The following DNAJC2 variants were observed in gnomAD, a reference collection of about 807,000 sequenced individuals.
DNAJC2 encodes DnaJ heat shock protein family (Hsp40) member C2.
DNAJC2 carries 32 observed loss-of-function variants against 94.0 expected under a neutral mutation model. The ratio of observed to expected loss-of-function variants is 0.34; its 90% CI spans 0.26 to 0.46. The LOEUF is 0.46. DNAJC2 is among the 20% of genes least tolerant of loss of function. The probability of loss-of-function intolerance (pLI) is 1.00; values close to 1 mark genes in which losing one functional copy is unlikely to be tolerated. For missense variants in DNAJC2, 550 were observed against 719.5 expected (o/e 0.76, Z 2.69); for synonymous variants, 210 against 229.7 (o/e 0.91, Z 0.77).
At chr7:103,333,496 G>C (rs187102070) in intron 3 of DNAJC2, among the ~76,000 whole-genome samples, 28 of 152,308 alleles carry the variant, frequency 1.8e-4, no homozygotes, top group Admixed American at 8.5e-4. Flanking sequence ...ATATCTGTCT[G>C]ATTCAGCGGA....
chr7:103,315,666 A>C, intron 15 of DNAJC2, 98 bp downstream of exon 15: 2 of 714,860 alleles, frequency 2.8e-6, no homozygotes, highest in Non-Finnish European at 4.6e-6. Context: ...TAAACATTTT[A>C]TTTCCCTATC....
At chr7:103,333,785 G>C (rs568938193) in intron 3 of DNAJC2, among the ~76,000 whole-genome samples, 2 of 152,236 alleles carry the variant, frequency 1.3e-5, no homozygotes, top group South Asian at 2.1e-4. Flanking sequence ...CTCATGGTTT[G>C]AGATTCATCC....
chr7:103,313,082 G>A lies in DNAJC2; in HGVS notation c.1656C>T (p.Thr552=), dbSNP rs1817846647. The change falls in exon 16 of 17, where the codon ACC becomes ACT. Residue 552 remains threonine, a synonymous_variant. Coordinates refer to ENST00000379263, the MANE Select transcript of DNAJC2 (RefSeq NM_014377.3). ...ERFEGPYTDF[T]PWTTEEQKLL... ...GCTTCTGTTCTTCTGTTGTCCAAGGGGTGAAGTCTGTATATGGACCTGATT... is the reference window on the plus strand; with the variant it reads ...GCTTCTGTTCTTCTGTTGTCCAAGGAGTGAAGTCTGTATATGGACCTGATT... 1.2e-6 allele frequency: 2 copies of A among 1,612,944 alleles called. No homozygotes were observed. The highest frequency in any genetic ancestry group is 1.3e-5 in the African/African-American group (1 of 74,758).
At chr7:103,327,929 T>C (rs1219736721) in intron 3 of DNAJC2, among the ~76,000 whole-genome samples, 175 bp from the exon 4 acceptor site, 6 of 152,180 alleles carry the variant, frequency 3.9e-5, no homozygotes, top group East Asian at 3.8e-4. Context: ...TTTCTTCTTA[T>C]TATTTTTTGA....
rs1819136461 is a variant in DNAJC2 at position 103,335,560 on chromosome 7, C to CAA, written c.331+2175_331+2176insTT. The CAA allele has an allele frequency of 5.4e-5, 8 of 148,718 alleles. No homozygotes were observed. In the Admixed American group the frequency reaches 5.4e-4, roughly 10 times the overall value. 9.2% of individuals were successfully genotyped at this position (148,718 alleles called of 1,614,324 possible). A position where few individuals can be genotyped will look rare whatever the true frequency, so the allele number is the denominator to read the frequency against. On this transcript the variant is annotated intron_variant, in intron 3 of 16. Coordinates refer to ENST00000379263, the MANE Select transcript of DNAJC2 (RefSeq NM_014377.3). ...TTTCTTTTTTTTTTTTTTAATGAGA[C>CAA]AGAGTCTCACTCTCTCACTCTGTTG...
intron 4 of DNAJC2, chr7:103,327,269 TA>T: frequency 1.1e-6 from 1 of 917,040 alleles, no homozygotes; most frequent in Non-Finnish European, 1.5e-6. Flanking sequence ...TTTAGTCCCA[TA>T]AAGCATCTGA....
Position 103,316,793 on chromosome 7 carries a change from AGT to A in DNAJC2, c.1427+35_1427+36del, listed in dbSNP as rs1402841885. The A allele has an allele frequency of 3.2e-6, 5 of 1,553,436 alleles. No individual in the cohort carries two copies. In the South Asian group the frequency reaches 3.4e-5, roughly 11 times the overall value. On this transcript the variant is annotated intron_variant, in intron 13 of 16. Transcript: ENST00000379263. ...TCTGTCTACATTATCTCCAGGCTCCAGTGTGAGTTGAAGAAAAGTTTCATTAA... is the reference window on the plus strand; with the variant it reads ...TCTGTCTACATTATCTCCAGGCTCCAGTGAGTTGAAGAAAAGTTTCATTAA...
Position 103,337,821 on chromosome 7 carries a change from A to C in DNAJC2, c.256-10T>G. The C allele has an allele frequency of 6.2e-7, 1 of 1,611,094 alleles. No individual in the cohort carries two copies. Among genetic ancestry groups the C allele is most frequent in the Non-Finnish European group, 8.5e-7 (1 of 1,178,674 alleles). On this transcript the variant is annotated splice_polypyrimidine_tract_variant and intron_variant, in intron 2 of 16. Coordinates refer to ENST00000379263, the MANE Select transcript of DNAJC2 (RefSeq NM_014377.3). ...CATAATGATCTTGGTTCTGGAAAAA[A>C]AACACAAAAGGGAGTCAAATTTGAA...
chr7:103,337,878 T>A, intron 2 of DNAJC2, 67 bp from the exon 3 acceptor site: 1 of 1,164,574 alleles, frequency 8.6e-7, no homozygotes, highest in Non-Finnish European at 1.3e-6. Context: ...CCTTGTGTTC[T>A]GGTACCTTAA....
At chr7:103,314,572 TG>T (rs1372620723) in intron 15 of DNAJC2, 2 of 985,224 alleles carry the variant, frequency 2.0e-6, no homozygotes, top group Non-Finnish European at 2.4e-6. Flanking sequence ...TTGTATTTTG[TG>T]GAGATAAAGG....
intron 15 of DNAJC2, chr7:103,313,830 A>G (rs1817895481): frequency 1.0e-6 from 1 of 985,206 alleles, no homozygotes; most frequent in Non-Finnish European, 1.2e-6. Flanking sequence ...TTGTGTAGGT[A>G]AAAGTAGAAT....
At position 103,316,924 on chromosome 7, in the gene DNAJC2, C is replaced by T; in HGVS notation, c.1333G>A (p.Gly445Ser). The T allele has an allele frequency of 6.2e-7, 1 of 1,613,994 alleles. No homozygotes were observed. Among genetic ancestry groups the T allele is most frequent in the Non-Finnish European group, 8.5e-7 (1 of 1,179,962 alleles). ...QASKNTEKST[G>S]GGGNGSKNWS... Reference sequence around the variant, plus strand: ...TTTTTACTTCCATTTCCACCTCCACCAGTTGATTTCTCTGTGTTCTTAGAT... The same window carrying T: ...TTTTTACTTCCATTTCCACCTCCACTAGTTGATTTCTCTGTGTTCTTAGAT... Residue 445 changes from glycine to serine, a missense_variant, in exon 13 of 17, where the codon GGT (glycine) becomes AGT (serine). Coordinates refer to ENST00000379263, the MANE Select transcript of DNAJC2 (RefSeq NM_014377.3).
Position 103,344,754 on chromosome 7 carries a change from T to C in DNAJC2, c.-132A>G. The C allele has an allele frequency of 1.1e-6, 1 of 890,290 alleles. No homozygotes were observed. Among genetic ancestry groups the C allele is most frequent in the Non-Finnish European group, 1.8e-6 (1 of 568,060 alleles). 55.1% of individuals were successfully genotyped at this position (890,290 alleles called of 1,614,324 possible). On this transcript the variant is annotated 5_prime_UTR_variant, in exon 1 of 17. It removes an upstream start codon present in the reference 5' UTR. Transcript: ENST00000379263. ...TCTAAGACGCCCAGGAACCGGCGCATGGAGACGACCAGTAAGCACTTCCGG... is the reference window on the plus strand; with the variant it reads ...TCTAAGACGCCCAGGAACCGGCGCACGGAGACGACCAGTAAGCACTTCCGG...
At chr7:103,317,634 A>G (rs1818144011) in intron 12 of DNAJC2, among the ~76,000 whole-genome samples, 1 of 151,982 alleles carries the variant, frequency 6.6e-6, no homozygotes, top group African/African-American at 2.4e-5. Context: ...CATCACATTC[A>G]TAGTGCAGGT....
rs754845996 is a variant in DNAJC2 at position 103,324,498 on chromosome 7, T to C, written c.637A>G (p.Ile213Val). The change falls in exon 6 of 17, where the codon ATA becomes GTA. Residue 213 changes from isoleucine (I) to valine (V), a missense_variant. Physicochemically the swap from Ile to Val is conservative, Grantham distance 29. This residue lies in a region of DNAJC2 where 279 missense variants were observed against 416.9 expected (regional missense o/e 0.67). Coordinates refer to ENST00000379263, the MANE Select transcript of DNAJC2 (RefSeq NM_014377.3). ...TTCACTTACCAGAAAGAATAAAATA[T>C]ATCTACATCTTCAAATGATGAATTC... Reference protein sequence around the residue: ...DMNSSFEDVDIFYSFWYNFDS... With the variant: ...DMNSSFEDVDVFYSFWYNFDS... 3 of 1,497,282 alleles carry C rather than the reference T, an allele frequency of 2.0e-6. No homozygotes were observed. Among genetic ancestry groups the C allele is most frequent in the African/African-American group, 1.4e-5 (1 of 70,282 alleles). The allele number at this position is 1,497,282 out of a possible 1,614,324, so 92.7% of individuals were successfully genotyped here.
chr7:103,314,669 G>A (rs1586060602), intron 15 of DNAJC2: 3 of 984,690 alleles, frequency 3.0e-6, no homozygotes, highest in South Asian at 4.7e-5. Context: ...TAAAAGAACC[G>A]AAATAATGCC....
Position 103,322,555 on chromosome 7 carries a change from C to T in DNAJC2, c.889G>A (p.Ala297Thr). 1 of 1,579,134 alleles carries T rather than the reference C, an allele frequency of 6.3e-7. No homozygotes were observed. Among genetic ancestry groups the T allele is most frequent in the Non-Finnish European group, 8.7e-7 (1 of 1,153,960 alleles). ...TCCTTCCGTTTAGCTTCTGCTTTTG[C>T]TTTCTTTTCTGCTTCTTTCTTGGCT... is the stretch of plus-strand genomic sequence containing the variant. ...EKAKKEAEKK[A>T]KAEAKRKEQE... Residue 297 changes from alanine (A) to threonine (T), a missense_variant, in exon 9 of 17, where the codon GCA (alanine) becomes ACA (threonine). Physicochemically the swap from Ala to Thr is moderately conservative, Grantham distance 58. This residue lies in a region of DNAJC2 where 279 missense variants were observed against 416.9 expected (regional missense o/e 0.67). Coordinates refer to ENST00000379263, the MANE Select transcript of DNAJC2 (RefSeq NM_014377.3).
rs2115728108 is a variant in DNAJC2, at chr7:103,312,408, C to T, written c.*161G>A. ...ACTTTCAAAGGATAAAAAGACTACC[C>T]CTCTGAAGGTTGTTTTGTATTAATG... On this transcript the variant is annotated 3_prime_UTR_variant, in exon 17 of 17. Transcript: ENST00000379263. 6.6e-7 allele frequency: 1 copy of T among 1,508,714 alleles called. No homozygotes were observed. Among genetic ancestry groups the T allele is most frequent in the East Asian group, 2.4e-5 (1 of 41,662 alleles). 93.5% of individuals were successfully genotyped at this position (1,508,714 alleles called of 1,614,324 possible). A position where few individuals can be genotyped will look rare whatever the true frequency, so the allele number is the denominator to read the frequency against.
intron 13 of DNAJC2, 150 bp downstream of exon 13, chr7:103,316,680 A>T (rs1480638964): frequency 1.5e-6 from 1 of 651,194 alleles, no homozygotes; most frequent in African/African-American, 1.8e-5. Context: ...TGACAGCTTC[A>T]AAATGCACCT....
Sources: gnomAD v4.1 joint callset for allele counts (sites outside exome capture counted in the v4.1 genomes callset) on GRCh38, gnomAD v4.1.1 for gene constraint, gnomAD v4.1.1 regional missense constraint, MANE v1.5 for transcripts, NCBI Gene and HGNC (gene_info 2026-07-23, HGNC 2026-07-21) for gene names.